Variants in SPACA7 observed in about 807,000 individuals in gnomAD.
SPACA7 encodes the protein sperm acrosome-associated protein 7.
A neutral mutation model predicts 26.3 loss-of-function variants in SPACA7; 19 were observed. The ratio of observed to expected loss-of-function variants is 0.72; its 90% CI spans 0.50 to 1.06. The LOEUF (loss-of-function observed/expected upper bound fraction) is 1.06, where lower values mean the gene tolerates loss of function less well. SPACA7 is among the 50% of genes least tolerant of loss of function. The pLI is 0.00. For missense variants in SPACA7, 211 were observed against 229.9 expected (o/e 0.92, Z 0.53); for synonymous variants, 84 against 84.5 (o/e 0.99, Z 0.04).
intron 3 of SPACA7, 52 bp downstream of exon 3, chr13:112,398,190 C>T (rs1379256072): frequency 7.3e-7 from 1 of 1,361,060 alleles, no homozygotes; most frequent in Non-Finnish European, 1.1e-6. Flanking sequence ...TGCCCTTATT[C>T]CTGGAGGTCT....
intron 5 of SPACA7, among the ~76,000 whole-genome samples, chr13:112,423,171 G>T (rs1268180634): frequency 6.6e-6 from 1 of 152,108 alleles, no homozygotes; most frequent in Non-Finnish European, 1.5e-5. Context: ...CATGGTAAAG[G>T]TATCTTGGGG....
intron 5 of SPACA7, among the ~76,000 whole-genome samples, chr13:112,404,151 T>A (rs1453668831): frequency 6.6e-6 from 1 of 152,246 alleles, no homozygotes; most frequent in East Asian, 1.9e-4. Flanking sequence ...ATTGTGGTTT[T>A]GATTTGTATT....
intron 4 of SPACA7, among the ~76,000 whole-genome samples, chr13:112,400,279 C>T (rs571237334): frequency 2.0e-4 from 30 of 152,260 alleles, no homozygotes; most frequent in Middle Eastern, 6.8e-3. Flanking sequence ...AGATTGAACT[C>T]GATTTTTTCA....
chr13:112,383,193 G>A (rs11616242), intron 1 of SPACA7, among the ~76,000 whole-genome samples: 6 of 134,886 alleles, frequency 4.4e-5, no homozygotes, highest in Non-Finnish European at 1.6e-5. Context: ...AAGAAAGAAA[G>A]AAAAGAAAGA....
Position 112,393,077 on chromosome 13 carries a change from G to A in SPACA7, c.151G>A (p.Asp51Asn). 1 of 1,612,490 alleles carries A rather than the reference G, an allele frequency of 6.2e-7. No individual in the cohort carries two copies. The highest frequency in any genetic ancestry group is 1.1e-5 in the South Asian group (1 of 90,668). ...ACAGGAGGATATGTCTGAATTATTA[G>A]GTAAGGAAGCCCCTCCTATCAACCT... is the stretch of plus-strand genomic sequence containing the variant. ...SKQEDMSELL[D>N]EILVQEILDL... Residue 51 changes from aspartate (D) to asparagine (N), a missense_variant and splice_region_variant, in exon 2 of 7, where the codon GAT becomes AAT. Asp to Asn is a conservative substitution (Grantham distance 23). Transcript: ENST00000283550.
intron 5 of SPACA7, among the ~76,000 whole-genome samples, chr13:112,418,483 G>A (rs537904340): frequency 3.3e-5 from 5 of 152,328 alleles, no homozygotes; most frequent in African/African-American, 1.2e-4. Flanking sequence ...AAATATGTCT[G>A]TGTAAGCCTG....
chr13:112,404,513 T>C (rs542040816), intron 5 of SPACA7, among the ~76,000 whole-genome samples: 45 of 152,356 alleles, frequency 3.0e-4, no homozygotes, highest in Non-Finnish European at 5.7e-4. Context: ...GAAGGTTTTT[T>C]TCCAATGTTA....
chr13:112,404,202 C>T (rs1047770147), intron 5 of SPACA7, among the ~76,000 whole-genome samples: 3 of 152,216 alleles, frequency 2.0e-5, no homozygotes, highest in Admixed American at 6.5e-5. Context: ...TTCAACTGTT[C>T]GTTGGCCATT....
chr13:112,378,902 G>T (rs1410435998), intron 1 of SPACA7, among the ~76,000 whole-genome samples: 1 of 152,068 alleles, frequency 6.6e-6, no homozygotes, highest in South Asian at 2.1e-4. Context: ...TTAAACTTAC[G>T]CAAACAATTG....
intron 5 of SPACA7, among the ~76,000 whole-genome samples, chr13:112,425,616 G>T (rs150913618): frequency 2.3e-4 from 35 of 150,510 alleles, no homozygotes; most frequent in African/African-American, 8.3e-4. Flanking sequence ...AAGAGTGGAG[G>T]CAGAGAGAGA....
At chr13:112,393,558 C>A in intron 2 of SPACA7, among the ~76,000 whole-genome samples, 2 of 152,080 alleles carry the variant, frequency 1.3e-5, no homozygotes, top group Admixed American at 6.5e-5. Context: ...CCTGGCCTCA[C>A]CCCGGGGATG....
At chr13:112,430,449 T>G (rs1019892795) in intron 5 of SPACA7, among the ~76,000 whole-genome samples, 16 of 152,236 alleles carry the variant, frequency 1.1e-4, no homozygotes, top group African/African-American at 3.6e-4. Context: ...TTCTTGTTTT[T>G]TAATTAAATT....
chr13:112,382,802 A>G (rs992511533), intron 1 of SPACA7, among the ~76,000 whole-genome samples: 2 of 152,000 alleles, frequency 1.3e-5, no homozygotes, highest in African/African-American at 2.4e-5. Flanking sequence ...AGCCTGGCCA[A>G]CATGGTGATA....
At chr13:112,407,567 C>T (rs1355100634) in intron 5 of SPACA7, among the ~76,000 whole-genome samples, 3 of 152,036 alleles carry the variant, frequency 2.0e-5, no homozygotes, top group Non-Finnish European at 4.4e-5. Context: ...ATACAAACTA[C>T]CGTCAGAGAA....
At chr13:112,380,633 C>T (rs182134282) in intron 1 of SPACA7, among the ~76,000 whole-genome samples, 5 of 152,166 alleles carry the variant, frequency 3.3e-5, no homozygotes, top group Non-Finnish European at 5.9e-5. Flanking sequence ...TACTAATTTA[C>T]GCATTTTGTC....
intron 5 of SPACA7, 118 bp from the exon 6 acceptor site, chr13:112,432,326 T>C: frequency 1.2e-5 from 9 of 724,020 alleles, no homozygotes. Flanking sequence ...CCCCGCTTGC[T>C]CTGTGCGTGG....
intron 1 of SPACA7, among the ~76,000 whole-genome samples, chr13:112,383,105 GAA>G (rs533420217): frequency 2.1e-4 from 4 of 19,170 alleles, no homozygotes; most frequent in East Asian, 1.1e-3. Context: ...AAAGAAGAAA[GAA>G]AAGAAAAGAA....
At chr13:112,409,546 G>T (rs965953214) in intron 5 of SPACA7, among the ~76,000 whole-genome samples, 2 of 152,098 alleles carry the variant, frequency 1.3e-5, no homozygotes, top group Non-Finnish European at 2.9e-5. Flanking sequence ...CCATCAAAAA[G>T]TGGGTGAAGG....
At chr13:112,427,781 G>A (rs901027380) in intron 5 of SPACA7, among the ~76,000 whole-genome samples, 1 of 152,024 alleles carries the variant, frequency 6.6e-6, no homozygotes, top group Non-Finnish European at 1.5e-5. Flanking sequence ...GATAATTTGG[G>A]TCCTTATGGG....
Sources: allele counts gnomAD v4.1 joint callset (sites outside exome capture counted in the v4.1 genomes callset), GRCh38; gene constraint gnomAD v4.1.1; transcripts MANE v1.5; gene names NCBI Gene and HGNC (gene_info 2026-07-23, HGNC 2026-07-21).